The following CNTNAP2 variants were observed in gnomAD, a reference collection of about 807,000 sequenced individuals.
CNTNAP2 encodes the protein contactin-associated protein-like 2.
Under a neutral mutation model 155.2 loss-of-function variants are expected in CNTNAP2, and 98 were observed. The observed-to-expected ratio is 0.63, with a 90% CI of 0.54 to 0.75. CNTNAP2 has a LOEUF of 0.75. CNTNAP2 is among the 30% of genes least tolerant of loss of function. The pLI is 0.00. For synonymous variants in CNTNAP2, 651 were observed against 631.2 expected (o/e 1.03, Z -0.47); for missense variants, 1,727 against 1,688.1 (o/e 1.02, Z -0.40).
chr7:146,620,480 G>A (rs1338275462), intron 1 of CNTNAP2, among the ~76,000 whole-genome samples: 2 of 152,056 alleles, frequency 1.3e-5, no homozygotes, highest in Non-Finnish European at 2.9e-5. Flanking sequence ...TTCTTTTTGT[G>A]CAAAATTGTG....
chr7:146,983,517 C>T (rs972994093), intron 3 of CNTNAP2, among the ~76,000 whole-genome samples: 12 of 152,154 alleles, frequency 7.9e-5, no homozygotes, highest in Admixed American at 7.9e-4. Context: ...GCCTCCCTTG[C>T]CCCATCGCTA....
At chr7:146,402,589 A>G (rs1192121760) in intron 1 of CNTNAP2, among the ~76,000 whole-genome samples, 4 of 152,188 alleles carry the variant, frequency 2.6e-5, no homozygotes, top group Admixed American at 6.5e-5. Context: ...GCAAATAATT[A>G]TAACACAAAG....
At chr7:146,626,590 A>G (rs1799423252) in intron 1 of CNTNAP2, among the ~76,000 whole-genome samples, 1 of 152,184 alleles carries the variant, frequency 6.6e-6, no homozygotes, top group South Asian at 2.1e-4. Context: ...CTGTAAATAC[A>G]GAATATCATT....
At chr7:148,313,808 T>C (rs1030024487) in intron 21 of CNTNAP2, among the ~76,000 whole-genome samples, 2 of 152,208 alleles carry the variant, frequency 1.3e-5, no homozygotes, top group African/African-American at 4.8e-5. Context: ...GACGGCCTTT[T>C]GACCTTTTAG....
rs1219785009 is a variant in CNTNAP2, at chr7:146,796,967, T to C, written c.208+22586T>C. 3.3e-5 allele frequency among the ~76,000 whole-genome samples: 5 copies of C among 152,072 alleles called. No individual in the cohort carries two copies. The East Asian group carries it at 9.7e-4, about 30-fold the overall frequency. Reference sequence around the variant, plus strand: ...CTGTCTAAGACCGTGAAACCCTGTCTCTACTAAAAATACAAAAACTTAGCC... The same window carrying C: ...CTGTCTAAGACCGTGAAACCCTGTCCCTACTAAAAATACAAAAACTTAGCC... On this transcript the variant is annotated intron_variant, in intron 2 of 23. Transcript: ENST00000361727.
intron 3 of CNTNAP2, among the ~76,000 whole-genome samples, chr7:146,880,004 A>G (rs1242586969): frequency 6.6e-6 from 1 of 152,012 alleles, no homozygotes; most frequent in Non-Finnish European, 1.5e-5. Flanking sequence ...ATCTCGTAAG[A>G]CTTATTCACT....
intron 14 of CNTNAP2, among the ~76,000 whole-genome samples, chr7:147,935,418 C>A: frequency 6.6e-6 from 1 of 152,192 alleles, no homozygotes; most frequent in East Asian, 1.9e-4. Context: ...AGCCACTGCG[C>A]CCAGCCGAGT....
chr7:147,386,163 C>T (rs536665714), intron 9 of CNTNAP2, among the ~76,000 whole-genome samples: 39 of 152,212 alleles, frequency 2.6e-4, no homozygotes, highest in African/African-American at 8.9e-4. Flanking sequence ...ACCCTGAGCC[C>T]GACCCATGAA....
chr7:146,947,777 G>A (rs1160632531), intron 3 of CNTNAP2, among the ~76,000 whole-genome samples: 1 of 151,292 alleles, frequency 6.6e-6, no homozygotes, highest in African/African-American at 2.4e-5. Flanking sequence ...ACATGGTGGG[G>A]TGCCTGTAGT....
intron 9 of CNTNAP2, among the ~76,000 whole-genome samples, chr7:147,312,982 T>C (rs1795153303): frequency 7.2e-6 from 1 of 139,826 alleles, no homozygotes; most frequent in East Asian, 2.3e-4. Flanking sequence ...TATCTCATTG[T>C]GGTTTTGATT....
chr7:147,291,853 C>T (rs1805319565), intron 8 of CNTNAP2, among the ~76,000 whole-genome samples: 1 of 152,084 alleles, frequency 6.6e-6, no homozygotes, highest in African/African-American at 2.4e-5. Context: ...GTTTTGGTTT[C>T]CCTGATGACT....
intron 1 of CNTNAP2, among the ~76,000 whole-genome samples, chr7:146,699,457 C>T (rs1800838797): frequency 6.6e-6 from 1 of 152,078 alleles, no homozygotes; most frequent in Admixed American, 6.6e-5. Context: ...ATTCTACAGT[C>T]TCATAATTAG....
intron 9 of CNTNAP2, among the ~76,000 whole-genome samples, chr7:147,314,716 C>G (rs1049243562): frequency 6.6e-6 from 1 of 150,876 alleles, no homozygotes; most frequent in Non-Finnish European, 1.5e-5. Flanking sequence ...AAGAGATGGA[C>G]TCAAGGATTC....
chr7:147,584,731 C>T (rs1315831519), intron 12 of CNTNAP2, among the ~76,000 whole-genome samples: 1 of 152,216 alleles, frequency 6.6e-6, no homozygotes, highest in Non-Finnish European at 1.5e-5. Context: ...AGCTTCTTGC[C>T]TCTTCCTCTC....
At chr7:147,775,273 ATAT>A (rs1797549142) in intron 13 of CNTNAP2, among the ~76,000 whole-genome samples, 1 of 99,218 alleles carries the variant, frequency 1.0e-5, no homozygotes, top group African/African-American at 3.9e-5. Context: ...ATATTTATAT[ATAT>A]ATTTATAAAT....
At chr7:146,305,479 C>T (rs991896216) in intron 1 of CNTNAP2, among the ~76,000 whole-genome samples, 12 of 152,114 alleles carry the variant, frequency 7.9e-5, no homozygotes, top group African/African-American at 2.9e-4. Flanking sequence ...CTTTCTGTTT[C>T]TTAGCTTTCC....
At chr7:148,313,333 A>G (rs1395000361) in intron 21 of CNTNAP2, among the ~76,000 whole-genome samples, 2 of 151,422 alleles carry the variant, frequency 1.3e-5, no homozygotes, top group East Asian at 1.9e-4. Flanking sequence ...CACTAAGCCA[A>G]GAAGATCTGG....
intron 12 of CNTNAP2, among the ~76,000 whole-genome samples, chr7:147,579,836 T>C (rs1800465458): frequency 6.6e-6 from 1 of 152,148 alleles, no homozygotes; most frequent in East Asian, 1.9e-4. Context: ...TCACAAACCA[T>C]CAATGGTACA....
chr7:147,233,944 A>C (rs140004197), intron 8 of CNTNAP2, among the ~76,000 whole-genome samples: 87 of 151,988 alleles, frequency 5.7e-4, no homozygotes, highest in Middle Eastern at 3.4e-3. Context: ...TGTAATTATT[A>C]ATGAAAATAT....
Sources: allele counts gnomAD v4.1 joint callset (sites outside exome capture counted in the v4.1 genomes callset), GRCh38; gene constraint gnomAD v4.1.1; transcripts MANE v1.5; gene names NCBI Gene and HGNC (gene_info 2026-07-23, HGNC 2026-07-21).